Variants in FILIP1L observed in about 807,000 individuals in gnomAD.
FILIP1L encodes filamin A interacting protein 1 like.
A neutral mutation model predicts 96.6 loss-of-function variants in FILIP1L; 55 were observed. The ratio of observed to expected loss-of-function variants is 0.57; its 90% CI spans 0.46 to 0.71. The LOEUF is 0.71. Among genes scored for constraint, FILIP1L ranks in the 30% least tolerant of loss-of-function variants. The pLI, the probability that FILIP1L is intolerant of heterozygous loss-of-function variation, is 0.00. For synonymous variants in FILIP1L, 467 were observed against 473.9 expected, an observed-to-expected ratio of 0.99 and a Z score of 0.19; for missense variants, 1,304 against 1,321.2, an observed-to-expected ratio of 0.99 and a Z score of 0.20.
At chr3:99,880,342 T>G (rs1268529292) in intron 4 of FILIP1L, among the ~76,000 whole-genome samples, 1 of 152,186 alleles carries the variant, frequency 6.6e-6, no homozygotes, top group Non-Finnish European at 1.5e-5. Context: ...TAAAAGAGCC[T>G]TTAACCAGCA....
intron 1 of FILIP1L, among the ~76,000 whole-genome samples, chr3:99,991,177 T>C (rs1279069214): frequency 6.6e-6 from 1 of 152,154 alleles, no homozygotes; most frequent in African/African-American, 2.4e-5. Flanking sequence ...AGTAGAAAAT[T>C]CCCACTAATT....
At chr3:99,959,429 C>T (rs529908455) in intron 1 of FILIP1L, among the ~76,000 whole-genome samples, 5 of 152,252 alleles carry the variant, frequency 3.3e-5, no homozygotes, top group Admixed American at 1.3e-4. Context: ...GGATTACAGG[C>T]GTGAGCCACC....
intron 4 of FILIP1L, among the ~76,000 whole-genome samples, chr3:99,902,494 T>C (rs943290509): frequency 6.6e-6 from 1 of 152,210 alleles, no homozygotes. Context: ...GGAAGTTATC[T>C]TGATATATAA....
intron 5 of FILIP1L, among the ~76,000 whole-genome samples, chr3:99,842,087 T>C (rs1021067140): frequency 1.3e-5 from 2 of 152,148 alleles, no homozygotes; most frequent in African/African-American, 4.8e-5. Context: ...CCAGCTCAAA[T>C]GTCCATCAGT....
intron 1 of FILIP1L, among the ~76,000 whole-genome samples, chr3:100,014,883 T>TTTTTC (rs1710280829): frequency 2.4e-5 from 3 of 125,386 alleles, no homozygotes; most frequent in Non-Finnish European, 5.2e-5. Context: ...TCTTTTTTTT[T>TTTTTC]TTTCTTTCTT....
intron 1 of FILIP1L, among the ~76,000 whole-genome samples, chr3:100,060,882 C>T (rs1470194397): frequency 6.6e-6 from 1 of 151,990 alleles, no homozygotes; most frequent in South Asian, 2.1e-4. Context: ...AAATAAAAAA[C>T]AAATAGGGCA....
At chr3:99,836,994 A>G (rs543857934) in intron 5 of FILIP1L, among the ~76,000 whole-genome samples, 228 of 152,350 alleles carry the variant, frequency 1.5e-3, no homozygotes, top group Non-Finnish European at 2.6e-3. Context: ...ATAGGACCAT[A>G]TTTGATAGGT....
intron 3 of FILIP1L, among the ~76,000 whole-genome samples, chr3:99,927,775 G>A (rs984618573): frequency 6.6e-6 from 1 of 152,020 alleles, no homozygotes; most frequent in Non-Finnish European, 1.5e-5. Context: ...AAAGGAATAG[G>A]AGGTCAAAAC....
At chr3:99,918,592 G>A (rs1707028066) in intron 4 of FILIP1L, among the ~76,000 whole-genome samples, 2 of 152,146 alleles carry the variant, frequency 1.3e-5, no homozygotes, top group Admixed American at 1.3e-4. Context: ...AAATTAAAAG[G>A]CATTGTATGG....
chr3:99,886,714 G>A (rs1705911272), intron 4 of FILIP1L, among the ~76,000 whole-genome samples: 1 of 152,096 alleles, frequency 6.6e-6, no homozygotes, highest in South Asian at 2.1e-4. Flanking sequence ...AGCACTTTGG[G>A]AAGCTGAGGT....
Position 99,913,635 on chromosome 3 carries a change from G to A in FILIP1L, c.605+10595C>T, listed in dbSNP as rs1416661516. ...AAGTATTGTATGATCTTCATGAATT[G>A]CTGATATATGCTTGTAATAATCTTT... On this transcript the variant is annotated intron_variant, in intron 4 of 5. Transcript: ENST00000477258. Among the ~76,000 whole-genome samples, 5 of 152,270 alleles carry A rather than the reference G, an allele frequency of 3.3e-5. No homozygotes were observed. In the East Asian group the frequency reaches 9.6e-4, roughly 29 times the overall value.
At chr3:99,885,379 ACTTAT>A (rs760264929) in intron 4 of FILIP1L, among the ~76,000 whole-genome samples, 3 of 152,184 alleles carry the variant, frequency 2.0e-5, no homozygotes, top group Admixed American at 6.5e-5. Context: ...AGAAGTACAA[ACTTAT>A]CTTATTATTG....
intron 1 of FILIP1L, among the ~76,000 whole-genome samples, chr3:99,957,567 T>C (rs952819080): frequency 6.6e-6 from 1 of 152,022 alleles, no homozygotes; most frequent in African/African-American, 2.4e-5. Flanking sequence ...TTTAATACCG[T>C]AAACAGTTGG....
At chr3:100,062,654 C>T (rs532005690) in intron 1 of FILIP1L, among the ~76,000 whole-genome samples, 1 of 152,308 alleles carries the variant, frequency 6.6e-6, no homozygotes, top group South Asian at 2.1e-4. Context: ...TTCTAAGCTG[C>T]ATACTAATTT....
chr3:100,013,037 T>G (rs574431283), intron 1 of FILIP1L, among the ~76,000 whole-genome samples: 1 of 152,074 alleles, frequency 6.6e-6, no homozygotes, highest in Admixed American at 6.6e-5. Flanking sequence ...CAGCCAATTT[T>G]TTTGTTTGTT....
At chr3:99,937,658 C>T (rs1425393247) in intron 1 of FILIP1L, among the ~76,000 whole-genome samples, 4 of 152,148 alleles carry the variant, frequency 2.6e-5, no homozygotes, top group African/African-American at 7.2e-5. Context: ...ATCCCCATGT[C>T]CTACAGAGTT....
At chr3:99,903,774 A>T (rs1386233700) in intron 4 of FILIP1L, among the ~76,000 whole-genome samples, 1 of 152,140 alleles carries the variant, frequency 6.6e-6, no homozygotes, top group Non-Finnish European at 1.5e-5. Context: ...CCCCCAAAAA[A>T]GTGTGTCTTT....
intron 4 of FILIP1L, among the ~76,000 whole-genome samples, chr3:99,888,799 T>G (rs1452127536): frequency 2.0e-5 from 3 of 152,190 alleles, no homozygotes; most frequent in African/African-American, 7.2e-5. Context: ...TTTCATAAAT[T>G]TCCTTGCAAA....
rs746792143 is a variant in FILIP1L at position 99,849,906 on chromosome 3, A to G, written c.1770T>C (p.Asn590=). The G allele has an allele frequency of 1.2e-5, 19 of 1,611,736 alleles. No homozygotes were observed. The highest frequency in any genetic ancestry group is 1.5e-5 in the Non-Finnish European group (18 of 1,179,508). The change falls in exon 5 of 6, where the codon AAT becomes AAC. Residue 590 remains asparagine (N), a synonymous_variant. Transcript: ENST00000477258. ...DLLSRVNMLK[N]RLQSLEAIEK... ...CAATTGCTTCCAATGATTGAAGCCT[A>G]TTTTTCAACATATTAACTCTTGACA...
Sources: allele counts gnomAD v4.1 joint callset (sites outside exome capture counted in the v4.1 genomes callset), GRCh38; gene constraint gnomAD v4.1.1; transcripts MANE v1.5; gene names NCBI Gene and HGNC (gene_info 2026-07-23, HGNC 2026-07-21).